Variants in RALYL observed in about 807,000 individuals in gnomAD.
RALYL encodes the protein RALY RNA binding protein like.
RALYL carries 29 observed loss-of-function variants against 35.1 expected under a neutral mutation model. That is an observed-to-expected ratio of 0.83 (90% CI 0.61 to 1.13). The LOEUF is 1.13. RALYL is among the 50% of genes most tolerant of loss of function. The pLI is 0.00. For missense variants in RALYL, 359 were observed against 360.4 expected, an observed-to-expected ratio of 1.00 and a Z score of 0.03; for synonymous variants, 120 against 127.6, an observed-to-expected ratio of 0.94 and a Z score of 0.40.
intron 2 of RALYL, among the ~76,000 whole-genome samples, chr8:84,720,932 A>G (rs370219187): frequency 1.1e-4 from 16 of 152,274 alleles, no homozygotes; most frequent in African/African-American, 2.2e-4. Flanking sequence ...GAAAATCACA[A>G]TGAGATATTA....
At chr8:84,852,925 A>G (rs934850050) in intron 5 of RALYL, among the ~76,000 whole-genome samples, 21 of 152,190 alleles carry the variant, frequency 1.4e-4, no homozygotes, top group Admixed American at 4.6e-4. Flanking sequence ...AACAAAAACC[A>G]TGGGGAGTTG....
chr8:84,603,055 A>G (rs1816313359), intron 2 of RALYL, among the ~76,000 whole-genome samples: 1 of 152,110 alleles, frequency 6.6e-6, no homozygotes, highest in Admixed American at 6.6e-5. Context: ...ATATATTACC[A>G]CTGAACTGTA....
chr8:84,486,780 A>G (rs886821856), intron 1 of RALYL, among the ~76,000 whole-genome samples: 8 of 152,132 alleles, frequency 5.3e-5, no homozygotes, highest in African/African-American at 1.9e-4. Context: ...ATTTATGTTT[A>G]TATAGAATTA....
chr8:84,442,231 A>G (rs972685974), intron 1 of RALYL, among the ~76,000 whole-genome samples: 5 of 152,152 alleles, frequency 3.3e-5, no homozygotes, highest in African/African-American at 4.8e-5. Flanking sequence ...AAAAAAGATT[A>G]TAAATATACA....
intron 1 of RALYL, among the ~76,000 whole-genome samples, chr8:84,420,329 C>A (rs1016245542): frequency 6.6e-6 from 1 of 152,122 alleles, no homozygotes; most frequent in Non-Finnish European, 1.5e-5. Flanking sequence ...TGTTTTTTGG[C>A]TGCATAAATG....
chr8:84,539,281 G>A (rs1384333709), intron 2 of RALYL, among the ~76,000 whole-genome samples: 1 of 152,044 alleles, frequency 6.6e-6, no homozygotes, highest in Non-Finnish European at 1.5e-5. Context: ...TGTGTAAAAT[G>A]GTTAAAAACA....
At chr8:84,769,332 C>T (rs1814859414) in intron 2 of RALYL, among the ~76,000 whole-genome samples, 1 of 152,140 alleles carries the variant, frequency 6.6e-6, no homozygotes, top group African/African-American at 2.4e-5. Context: ...TAAATTACAT[C>T]CCACTCAAAT....
chr8:84,448,539 C>T (rs1421099127), intron 1 of RALYL, among the ~76,000 whole-genome samples: 1 of 151,976 alleles, frequency 6.6e-6, no homozygotes, highest in Non-Finnish European at 1.5e-5. Context: ...CAGGATTATT[C>T]ACTTGATAGA....
At chr8:84,896,774 CAT>C (rs1171292460) in intron 8 of RALYL, among the ~76,000 whole-genome samples, 1 of 152,162 alleles carries the variant, frequency 6.6e-6, no homozygotes, top group African/African-American at 2.4e-5. Context: ...CCACAAATTT[CAT>C]ATAAGTAAAC....
intron 2 of RALYL, among the ~76,000 whole-genome samples, chr8:84,570,584 C>T (rs1324817632): frequency 1.3e-5 from 2 of 151,816 alleles, no homozygotes; most frequent in Admixed American, 1.3e-4. Flanking sequence ...CTTCTCTTGC[C>T]TGATCTCTCT....
At chr8:84,816,032 C>CAAAAAAAAAAAAAAAAAAAAAAAAA in intron 4 of RALYL, among the ~76,000 whole-genome samples, 1 of 84,196 alleles carries the variant, frequency 1.2e-5, no homozygotes, top group Non-Finnish European at 2.3e-5. Context: ...GACTCTGTCT[C>CAAAAAAAAAAAAAAAAAAAAAAAAA]AAAAAAAAAA....
chr8:84,293,249 C>T (rs1382281315), intron 1 of RALYL, among the ~76,000 whole-genome samples: 2 of 152,090 alleles, frequency 1.3e-5, no homozygotes, highest in African/African-American at 2.4e-5. Context: ...AGAGAAAGAA[C>T]AACTCCAATT....
At chr8:84,595,076 C>T (rs1027435150) in intron 2 of RALYL, among the ~76,000 whole-genome samples, 3 of 152,068 alleles carry the variant, frequency 2.0e-5, no homozygotes, top group Admixed American at 1.3e-4. Flanking sequence ...AGACAACATG[C>T]AGAGCAGTGA....
chr8:84,654,740 T>C (rs893322678), intron 2 of RALYL, among the ~76,000 whole-genome samples: 1 of 152,122 alleles, frequency 6.6e-6, no homozygotes, highest in African/African-American at 2.4e-5. Flanking sequence ...GTTCCATCTA[T>C]GTTGTTGCAA....
chr8:84,833,202 G>A (rs537256270), intron 4 of RALYL, among the ~76,000 whole-genome samples: 6 of 151,974 alleles, frequency 3.9e-5, no homozygotes, highest in South Asian at 4.2e-4. Context: ...TCATCTATAC[G>A]GATCCTAGTT....
intron 2 of RALYL, among the ~76,000 whole-genome samples, chr8:84,539,917 C>T (rs2059907628): frequency 7.0e-6 from 1 of 143,678 alleles, no homozygotes; most frequent in Non-Finnish European, 1.5e-5. Flanking sequence ...TGTACATGCA[C>T]AGACATACAC....
At chr8:84,560,126 G>A (rs2061383582) in intron 2 of RALYL, among the ~76,000 whole-genome samples, 1 of 151,858 alleles carries the variant, frequency 6.6e-6, no homozygotes, top group South Asian at 2.1e-4. Flanking sequence ...GTAACTACAA[G>A]GTCTGAAAAG....
At chr8:84,446,554 A>G (rs1308842945) in intron 1 of RALYL, among the ~76,000 whole-genome samples, 1 of 152,012 alleles carries the variant, frequency 6.6e-6, no homozygotes, top group Non-Finnish European at 1.5e-5. Context: ...TGGTATGTCA[A>G]TTTTATCATC....
At chr8:84,718,763 T>TA (rs892012842) in intron 2 of RALYL, among the ~76,000 whole-genome samples, 109 of 148,458 alleles carry the variant, frequency 7.3e-4, no homozygotes, top group East Asian at 5.1e-3. Flanking sequence ...AGACTCTGTT[T>TA]AAAAAAAAAA....
Sources: gnomAD v4.1 joint callset for allele counts (sites outside exome capture counted in the v4.1 genomes callset) on GRCh38, gnomAD v4.1.1 for gene constraint, MANE v1.5 for transcripts, NCBI Gene and HGNC (gene_info 2026-07-23, HGNC 2026-07-21) for gene names.